The following WDR26 variants were observed in gnomAD, a reference collection of about 807,000 sequenced individuals.
WDR26 encodes the protein WD repeat-containing protein 26.
In WDR26, 5 loss-of-function variants were observed where a neutral mutation model predicts 84.1. That is an observed-to-expected ratio of 0.06 (90% CI 0.03 to 0.13). The LOEUF (loss-of-function observed/expected upper bound fraction) is 0.13, where lower values mean the gene tolerates loss of function less well. WDR26 is among the 10% of genes least tolerant of loss of function. The pLI is 1.00. For synonymous variants in WDR26, 415 were observed against 389.6 expected (o/e 1.07, Z -0.77); for missense variants, 642 against 974.9 (o/e 0.66, Z 4.55).
Position 224,433,803 on chromosome 1 carries a change from G to A in WDR26, c.603C>T (p.Ala201=), listed in dbSNP as rs571231334. 8.4e-4 allele frequency: 1,287 copies of A among 1,536,982 alleles called. 3 individuals carry two copies. The highest frequency in any genetic ancestry group is 1.0e-3 in the Non-Finnish European group (1,184 of 1,146,796). Residue 201 remains alanine (A), a synonymous_variant, in exon 1 of 14, where the codon GCC becomes GCT. Coordinates refer to ENST00000414423, the MANE Select transcript of WDR26 (RefSeq NM_001379403.1). ...GTTCTGGGGTGGCCAAGGAAGAGGA[G>A]GCGGCGGTGGTGGCGGAGGCAGCTG...
Position 224,398,590 on chromosome 1 carries a change from T to A in WDR26, c.1869A>T (p.Val623=). The change falls in exon 11 of 14, where the codon GTA becomes GTT. Residue 623 remains valine (V), a synonymous_variant. Transcript: ENST00000414423. ...AAGACATAATAGGATGATCTTCTTG[T>A]ACTCTGGAACCAGAAAATAATTTGT... 6.2e-7 allele frequency: 1 copy of A among 1,600,474 alleles called. No individual in the cohort carries two copies. The highest frequency in any genetic ancestry group is 8.5e-7 in the Non-Finnish European group (1 of 1,175,822).
At chr1:224,411,611 G>A (rs372716830) in intron 6 of WDR26, 46 bp from the exon 7 acceptor site, 93 of 1,489,268 alleles carry the variant, frequency 6.2e-5, no homozygotes, top group Middle Eastern at 1.8e-4. Context: ...ACAGATTAGA[G>A]TAATAATAAT....
At chr1:224,416,414 G>T (rs1209528832) in intron 6 of WDR26, among the ~76,000 whole-genome samples, 1 of 151,946 alleles carries the variant, frequency 6.6e-6, no homozygotes, top group Non-Finnish European at 1.5e-5. Flanking sequence ...TTTTAGAAGA[G>T]ACAGGGTTTC....
At chr1:224,421,017 GCTT>G (rs1290032417) in intron 4 of WDR26, among the ~76,000 whole-genome samples, 4 of 152,092 alleles carry the variant, frequency 2.6e-5, no homozygotes, top group East Asian at 3.8e-4. Context: ...ACTTAGAATT[GCTT>G]CTATGTCCTT....
intron 7 of WDR26, among the ~76,000 whole-genome samples, chr1:224,406,155 G>T (rs1019424336): frequency 5.3e-5 from 8 of 152,222 alleles, no homozygotes; most frequent in African/African-American, 1.9e-4. Flanking sequence ...GTTCAAGACC[G>T]ACCTGGACAA....
chr1:224,405,235 T>C (rs1352251597), intron 7 of WDR26, among the ~76,000 whole-genome samples: 1 of 152,226 alleles, frequency 6.6e-6, no homozygotes, highest in Non-Finnish European at 1.5e-5. Flanking sequence ...TCAGGGTTCA[T>C]CCGTGTTATA....
intron 13 of WDR26, 79 bp from the exon 14 acceptor site, chr1:224,389,939 A>G (rs1458644476): frequency 8.8e-7 from 1 of 1,134,166 alleles, no homozygotes; most frequent in Non-Finnish European, 1.3e-6. Context: ...ATTACCAGTT[A>G]GAAAGTTTCA....
intron 3 of WDR26, 64 bp downstream of exon 3, chr1:224,431,413 T>C (rs1558447771): frequency 2.1e-6 from 3 of 1,456,034 alleles, no homozygotes; most frequent in Non-Finnish European, 2.9e-6. Flanking sequence ...GGCAGAAGCC[T>C]AGAGTTATCA....
chr1:224,429,071 G>A lies in WDR26; in HGVS notation c.927+2406C>T, dbSNP rs191409606. The stretch of plus-strand genomic sequence containing the variant: ...AAGGTCAGGAGTTCGGGACCAGCTT[G>A]GCCAATATGGTGAAACCCCATCTAC... On this transcript the variant is annotated intron_variant, in intron 3 of 13. Transcript: ENST00000414423. 2.1e-3 allele frequency among the ~76,000 whole-genome samples: 321 copies of A among 151,926 alleles called. 1 individual carries two copies. In the Middle Eastern group the frequency reaches 0.031, roughly 14 times the overall value.
intron 13 of WDR26, 129 bp from the exon 14 acceptor site, chr1:224,389,989 A>C (rs1673079745): frequency 1.5e-6 from 1 of 654,536 alleles, no homozygotes; most frequent in African/African-American, 1.9e-5. Flanking sequence ...ACTAACATTA[A>C]AAAATCAAAG....
chr1:224,426,660 A>T (rs1191556790), intron 3 of WDR26, among the ~76,000 whole-genome samples: 14 of 150,010 alleles, frequency 9.3e-5, no homozygotes, highest in Admixed American at 7.3e-4. Flanking sequence ...CAAAAACTAA[A>T]CAATGCAAAA....
At chr1:224,420,666 G>T (rs1674033704) in intron 4 of WDR26, among the ~76,000 whole-genome samples, 1 of 152,074 alleles carries the variant, frequency 6.6e-6, no homozygotes, top group Non-Finnish European at 1.5e-5. Flanking sequence ...TTTTCCTCTT[G>T]ATTTTTAGTA....
chr1:224,400,677 C>A (rs1365638167), intron 9 of WDR26, among the ~76,000 whole-genome samples: 2 of 152,144 alleles, frequency 1.3e-5, no homozygotes, highest in Non-Finnish European at 2.9e-5. Context: ...TCCCGAGTAG[C>A]TGGGATTACA....
intron 7 of WDR26, among the ~76,000 whole-genome samples, chr1:224,407,151 A>AAAAAAGAATATACATATAT: frequency 1.7e-4 from 2 of 11,868 alleles, no homozygotes; most frequent in Non-Finnish European, 2.8e-4. Context: ...AAAAAAAAAA[A>AAAAAAGAATATACATATAT]ATATATATAT....
At chr1:224,405,262 A>G (rs1673521121) in intron 7 of WDR26, among the ~76,000 whole-genome samples, 1 of 152,316 alleles carries the variant, frequency 6.6e-6, no homozygotes, top group East Asian at 1.9e-4. Context: ...ATTAGTATTT[A>G]ATCTCTTTTT....
Position 224,434,764 on chromosome 1 carries a change from G to A in WDR26, c.-359C>T, listed in dbSNP as rs1382001967. 6.1e-6 allele frequency: 6 copies of A among 986,334 alleles called. No homozygotes were observed. Among genetic ancestry groups the A allele is most frequent in the Non-Finnish European group, 7.2e-6 (6 of 830,398 alleles). 61.1% of individuals were successfully genotyped at this position (986,334 alleles called of 1,614,324 possible). A position where few individuals can be genotyped will look rare whatever the true frequency, so the allele number is the denominator to read the frequency against. On this transcript the variant is annotated 5_prime_UTR_variant, in exon 1 of 14. Transcript: ENST00000414423. The stretch of plus-strand genomic sequence containing the variant: ...TCGGATCCGCTCCGCTCTGCTCCCT[G>A]GTGTGTTGATTCTTCCCCCAGCTGC...
At chr1:224,415,399 TG>T (rs1673864705) in intron 6 of WDR26, among the ~76,000 whole-genome samples, 1 of 151,256 alleles carries the variant, frequency 6.6e-6, no homozygotes, top group South Asian at 2.1e-4. Flanking sequence ...ATTAGAACCA[TG>T]GAAGTATAAC....
intron 6 of WDR26, chr1:224,413,347 T>C (rs1673792057): frequency 8.2e-7 from 1 of 1,214,228 alleles, no homozygotes; most frequent in Non-Finnish European, 1.1e-6. Flanking sequence ...TGAAACAAAA[T>C]ATACATTTAA....
chr1:224,424,711 T>C (rs754843206), intron 3 of WDR26, 57 bp from the exon 4 acceptor site: 5 of 1,611,220 alleles, frequency 3.1e-6, no homozygotes, highest in East Asian at 4.5e-5. Flanking sequence ...TTTCAGAAAA[T>C]GTTTGTGCCT....
Sources: allele counts gnomAD v4.1 joint callset (sites outside exome capture counted in the v4.1 genomes callset), GRCh38; gene constraint gnomAD v4.1.1; transcripts MANE v1.5; gene names NCBI Gene and HGNC (gene_info 2026-07-23, HGNC 2026-07-21).